Variants in FOXP1 observed in about 807,000 individuals in gnomAD.
The protein encoded by FOXP1 is forkhead box P1.
Under a neutral mutation model 98.2 loss-of-function variants are expected in FOXP1, and 15 were observed. The ratio of observed to expected loss-of-function variants is 0.15; its 90% CI spans 0.10 to 0.24. The LOEUF (loss-of-function observed/expected upper bound fraction) is 0.24, where lower values mean the gene tolerates loss of function less well. Among genes scored for constraint, FOXP1 ranks in the 10% least tolerant of loss-of-function variants. The probability of loss-of-function intolerance (pLI) is 1.00; values close to 1 mark genes in which losing one functional copy is unlikely to be tolerated. For missense variants in FOXP1, 633 were observed against 848.5 expected, an observed-to-expected ratio of 0.75 and a Z score of 3.15; for synonymous variants, 371 against 314.5, an observed-to-expected ratio of 1.18 and a Z score of -1.90.
At chr3:71,197,956 G>C (rs377061028) in intron 6 of FOXP1, 1 of 1,614,200 alleles carries the variant, frequency 6.2e-7, no homozygotes, top group African/African-American at 1.3e-5. Context: ...CTTCGTCTCA[G>C]CAACTGCTCC....
chr3:71,497,501 T>C (rs2091500522), intron 2 of FOXP1, among the ~76,000 whole-genome samples: 1 of 152,210 alleles, frequency 6.6e-6, no homozygotes, highest in African/African-American at 2.4e-5. Flanking sequence ...TCACGGTATT[T>C]ACACTGTAGC....
chr3:71,331,986 C>A (rs1291045150), intron 4 of FOXP1, among the ~76,000 whole-genome samples: 1 of 152,176 alleles, frequency 6.6e-6, no homozygotes, highest in African/African-American at 2.4e-5. Context: ...GTAAAACAGA[C>A]CAACTGGCTC....
chr3:71,428,111 T>G (rs1013554281), intron 3 of FOXP1, among the ~76,000 whole-genome samples: 3 of 152,160 alleles, frequency 2.0e-5, no homozygotes, highest in Non-Finnish European at 4.4e-5. Flanking sequence ...AAATACTGTG[T>G]GATAAGGGAA....
At chr3:71,070,122 G>A (rs1284267731) in intron 7 of FOXP1, among the ~76,000 whole-genome samples, 1 of 152,188 alleles carries the variant, frequency 6.6e-6, no homozygotes, top group African/African-American at 2.4e-5. Flanking sequence ...AAGCCAGACA[G>A]AGAAAGGACA....
chr3:71,122,944 T>C (rs534461952), intron 6 of FOXP1, among the ~76,000 whole-genome samples: 4 of 152,240 alleles, frequency 2.6e-5, no homozygotes, highest in Non-Finnish European at 5.9e-5. Flanking sequence ...GTGGGCCCTT[T>C]TGCCTCCAGA....
At chr3:71,080,937 T>TA (rs2054339609) in intron 7 of FOXP1, among the ~76,000 whole-genome samples, 1 of 152,234 alleles carries the variant, frequency 6.6e-6, no homozygotes. Context: ...CTTAAGGTAC[T>TA]AACCTTTCCC....
intron 17 of FOXP1, 95 bp downstream of exon 17, chr3:70,976,846 A>C: frequency 1.1e-6 from 1 of 878,078 alleles, no homozygotes; most frequent in Non-Finnish European, 1.9e-6. Context: ...AAACAATATA[A>C]ATGTAGCTTC....
chr3:70,985,749 T>C (rs2039626627), intron 14 of FOXP1, among the ~76,000 whole-genome samples: 2 of 152,154 alleles, frequency 1.3e-5, no homozygotes, highest in Non-Finnish European at 2.9e-5. Context: ...AAACAATCTA[T>C]GTATTTGACA....
intron 7 of FOXP1, among the ~76,000 whole-genome samples, chr3:71,108,617 T>A (rs981185273): frequency 2.6e-5 from 4 of 152,040 alleles, no homozygotes; most frequent in African/African-American, 9.7e-5. Flanking sequence ...ATTACAAAAA[T>A]TATCTGGGCG....
intron 3 of FOXP1, among the ~76,000 whole-genome samples, chr3:71,387,615 A>G (rs1237101620): frequency 1.3e-5 from 2 of 152,216 alleles, no homozygotes; most frequent in African/African-American, 4.8e-5. Context: ...TTTTTCCATA[A>G]AAATGTATCA....
At chr3:71,139,198 G>A (rs1022509585) in intron 6 of FOXP1, among the ~76,000 whole-genome samples, 6 of 152,084 alleles carry the variant, frequency 3.9e-5, no homozygotes, top group East Asian at 1.9e-4. Context: ...AAGCTTTCCC[G>A]GGCTAATTGG....
At chr3:71,183,180 T>A (rs1208204074) in intron 6 of FOXP1, among the ~76,000 whole-genome samples, 1 of 151,878 alleles carries the variant, frequency 6.6e-6, no homozygotes. Flanking sequence ...ATCATGGCGG[T>A]GGTGGTGATG....
At chr3:71,203,726 T>C (rs1238788249) in intron 5 of FOXP1, among the ~76,000 whole-genome samples, 1 of 152,184 alleles carries the variant, frequency 6.6e-6, no homozygotes, top group Non-Finnish European at 1.5e-5. Context: ...TAAATTAAAC[T>C]AAACATAGTT....
intron 5 of FOXP1, among the ~76,000 whole-genome samples, chr3:71,268,430 G>C (rs925577112): frequency 7.2e-5 from 11 of 152,216 alleles, no homozygotes; most frequent in East Asian, 5.8e-4. Flanking sequence ...GGGAAAGTTG[G>C]GGGGGTAGTG....
chr3:71,172,809 G>T (rs575381665), intron 6 of FOXP1, among the ~76,000 whole-genome samples: 66 of 152,104 alleles, frequency 4.3e-4, no homozygotes, highest in Non-Finnish European at 8.7e-4. Flanking sequence ...ATTTTTAAAG[G>T]GCTGCCCTGC....
chr3:71,445,049 A>G (rs1465003180), intron 3 of FOXP1, among the ~76,000 whole-genome samples: 1 of 151,894 alleles, frequency 6.6e-6, no homozygotes, highest in African/African-American at 2.4e-5. Context: ...CAGCAATAGC[A>G]AGTACTTCTG....
At chr3:71,414,845 C>T (rs1577379517) in intron 3 of FOXP1, among the ~76,000 whole-genome samples, 1 of 152,356 alleles carries the variant, frequency 6.6e-6, no homozygotes, top group East Asian at 1.9e-4. Flanking sequence ...AAATAGCACT[C>T]GCTGATGGAT....
chr3:70,962,818 G>A (rs1575675874), intron 20 of FOXP1, among the ~76,000 whole-genome samples: 1 of 152,146 alleles, frequency 6.6e-6, no homozygotes, highest in African/African-American at 2.4e-5. Context: ...AGAAGAAATA[G>A]AACCATCCAT....
At chr3:70,966,084 A>T (rs758476518) in intron 19 of FOXP1, 28 bp from the exon 20 acceptor site, 14 of 1,600,846 alleles carry the variant, frequency 8.7e-6, no homozygotes, top group Admixed American at 6.7e-5. Context: ...AAAATTTATG[A>T]AGACACAGGG....
Sources: allele counts gnomAD v4.1 joint callset (sites outside exome capture counted in the v4.1 genomes callset), GRCh38; gene constraint gnomAD v4.1.1; transcripts MANE v1.5; gene names NCBI Gene and HGNC (gene_info 2026-07-23, HGNC 2026-07-21).